The following CNTNAP5 variants were observed in gnomAD, a reference collection of about 807,000 sequenced individuals.
CNTNAP5 encodes the protein contactin associated protein family member 5.
In CNTNAP5, 72 loss-of-function variants were observed where a neutral mutation model predicts 150.2. The observed-to-expected ratio is 0.48, with a 90% CI of 0.40 to 0.58. CNTNAP5 has a LOEUF of 0.58. Ranked by LOEUF, CNTNAP5 falls within the 20% of genes least tolerant of loss-of-function variation. The probability of loss-of-function intolerance (pLI) is 0.00; values close to 1 mark genes in which losing one functional copy is unlikely to be tolerated. For missense variants in CNTNAP5, 1,636 were observed against 1,626.2 expected (o/e 1.01, Z -0.10); for synonymous variants, 672 against 619.8 (o/e 1.08, Z -1.25).
rs190409072 is a variant in CNTNAP5 at position 124,873,206 on chromosome 2, G to A, written c.3436+3444G>A. On this transcript the variant is annotated intron_variant, in intron 21 of 23. Transcript: ENST00000682447. Reference sequence around the variant, plus strand: ...ACATGGTCAGAGCAGGAAGAAGAGCGAGGAGGAAGGTGCCACACAATTTTA... The same window carrying A: ...ACATGGTCAGAGCAGGAAGAAGAGCAAGGAGGAAGGTGCCACACAATTTTA... Among the ~76,000 whole-genome samples, 221 of 152,138 alleles carry A rather than the reference G, an allele frequency of 1.5e-3. 2 individuals carry two copies. Among genetic ancestry groups the A allele is most frequent in the African/African-American group, 5.0e-3 (208 of 41,520 alleles).
chr2:124,609,871 A>G lies in CNTNAP5; in HGVS notation c.1827A>G (p.Ser609=), dbSNP rs754729612. 1.9e-6 allele frequency: 3 copies of G among 1,613,996 alleles called. No homozygotes were observed. Among genetic ancestry groups the G allele is most frequent in the Non-Finnish European group, 1.7e-6 (2 of 1,179,866 alleles). The part of the protein sequence containing the change: ...GNTAGFFYID[S]DGSGPLGPLQ... ...CAGCCGGCTTCTTCTACATCGACTC[A>G]GATGGCAGCGGCCCACTGGGACCTC... Residue 609 remains serine, a synonymous_variant, in exon 12 of 24, where the codon TCA becomes TCG. Coordinates refer to ENST00000682447, the MANE Select transcript of CNTNAP5 (RefSeq NM_001367498.1).
intron 7 of CNTNAP5, among the ~76,000 whole-genome samples, chr2:124,495,758 C>A (rs1296709940): frequency 6.6e-6 from 1 of 152,172 alleles, no homozygotes; most frequent in Non-Finnish European, 1.5e-5. Flanking sequence ...TTATGGACTT[C>A]TTTTCAGTAC....
At chr2:124,074,721 G>T (rs1435122346) in intron 1 of CNTNAP5, among the ~76,000 whole-genome samples, 1 of 152,040 alleles carries the variant, frequency 6.6e-6, no homozygotes, top group Non-Finnish European at 1.5e-5. Flanking sequence ...AATGGGTAAA[G>T]CAGGATCTAT....
intron 3 of CNTNAP5, among the ~76,000 whole-genome samples, chr2:124,371,068 G>A (rs193237939): frequency 9.2e-4 from 140 of 152,186 alleles, no homozygotes; most frequent in African/African-American, 3.2e-3. Context: ...CAGAGATAAG[G>A]ATGCTACTGT....
chr2:124,807,410 A>G (rs1300059472), intron 19 of CNTNAP5, among the ~76,000 whole-genome samples: 1 of 152,188 alleles, frequency 6.6e-6, no homozygotes, highest in Non-Finnish European at 1.5e-5. Context: ...TTGATCTTTC[A>G]GCTAGAAAAT....
At chr2:124,042,373 T>G (rs1246109690) in intron 1 of CNTNAP5, among the ~76,000 whole-genome samples, 3 of 152,192 alleles carry the variant, frequency 2.0e-5, no homozygotes, top group Admixed American at 6.5e-5. Context: ...ATAAAGAATA[T>G]TTTTAAGAAG....
At chr2:124,868,493 AG>A (rs1677677318) in intron 20 of CNTNAP5, among the ~76,000 whole-genome samples, 1 of 152,122 alleles carries the variant, frequency 6.6e-6, no homozygotes, top group Non-Finnish European at 1.5e-5. Context: ...ATGATTCAAA[AG>A]GTCATTCTCA....
chr2:124,641,279 C>A (rs72974560), intron 12 of CNTNAP5, among the ~76,000 whole-genome samples: 1 of 151,928 alleles, frequency 6.6e-6, no homozygotes, highest in Non-Finnish European at 1.5e-5. Flanking sequence ...GAGACTGAGG[C>A]TGGGGGAGGT....
At chr2:124,722,414 T>C (rs1247037284) in intron 13 of CNTNAP5, among the ~76,000 whole-genome samples, 4 of 152,026 alleles carry the variant, frequency 2.6e-5, no homozygotes, top group Non-Finnish European at 5.9e-5. Flanking sequence ...TGGCAGACAA[T>C]CACCAGATAG....
intron 17 of CNTNAP5, among the ~76,000 whole-genome samples, chr2:124,786,723 A>G (rs1027387797): frequency 5.3e-5 from 8 of 152,102 alleles, no homozygotes; most frequent in Non-Finnish European, 1.2e-4. Flanking sequence ...ACAGTGAGAG[A>G]GGAGGATGAG....
At chr2:124,457,602 T>C (rs917451312) in intron 6 of CNTNAP5, among the ~76,000 whole-genome samples, 2 of 152,158 alleles carry the variant, frequency 1.3e-5, no homozygotes, top group Non-Finnish European at 2.9e-5. Flanking sequence ...ATTTGTTACA[T>C]AGGTAAACGT....
chr2:124,077,449 T>A (rs879494919), intron 1 of CNTNAP5, among the ~76,000 whole-genome samples: 1 of 152,166 alleles, frequency 6.6e-6, no homozygotes, highest in Non-Finnish European at 1.5e-5. Context: ...TTGTCACAAA[T>A]TATTGGGAGT....
intron 12 of CNTNAP5, among the ~76,000 whole-genome samples, chr2:124,627,664 C>G (rs1210606296): frequency 4.6e-5 from 7 of 152,166 alleles, no homozygotes; most frequent in Admixed American, 4.6e-4. Context: ...CTCTTCTCCT[C>G]CAAATGATTG....
chr2:124,835,748 A>G (rs1406729192), intron 19 of CNTNAP5, among the ~76,000 whole-genome samples: 1 of 152,170 alleles, frequency 6.6e-6, no homozygotes, highest in Non-Finnish European at 1.5e-5. Context: ...TGTGAAGTAG[A>G]CATTAGTATC....
At chr2:124,288,928 G>A (rs1688219341) in intron 3 of CNTNAP5, among the ~76,000 whole-genome samples, 1 of 152,162 alleles carries the variant, frequency 6.6e-6, no homozygotes, top group Admixed American at 6.6e-5. Flanking sequence ...GAATGTAGTA[G>A]AAGTGAATTC....
intron 1 of CNTNAP5, among the ~76,000 whole-genome samples, chr2:124,186,951 T>C (rs1479863992): frequency 1.3e-5 from 2 of 152,170 alleles, no homozygotes; most frequent in African/African-American, 4.8e-5. Flanking sequence ...GGGTCTGCTT[T>C]GTTCAAAGGC....
At chr2:124,541,603 C>T (rs574136070) in intron 10 of CNTNAP5, among the ~76,000 whole-genome samples, 4 of 152,190 alleles carry the variant, frequency 2.6e-5, no homozygotes, top group Admixed American at 6.5e-5. Flanking sequence ...AGAAGACCCA[C>T]GCACTAGGGG....
intron 3 of CNTNAP5, among the ~76,000 whole-genome samples, chr2:124,407,525 A>G (rs1243730388): frequency 3.3e-5 from 5 of 152,166 alleles, no homozygotes; most frequent in Non-Finnish European, 7.3e-5. Context: ...GGGAGTTGCT[A>G]GAGACTCAAT....
intron 1 of CNTNAP5, among the ~76,000 whole-genome samples, chr2:124,174,739 C>G (rs1427672293): frequency 1.3e-5 from 2 of 152,158 alleles, no homozygotes; most frequent in East Asian, 3.9e-4. Flanking sequence ...AGGATTTACT[C>G]AAATTTTGAA....
Sources: gnomAD v4.1 joint callset for allele counts (sites outside exome capture counted in the v4.1 genomes callset) on GRCh38, gnomAD v4.1.1 for gene constraint, MANE v1.5 for transcripts, NCBI Gene and HGNC (gene_info 2026-07-23, HGNC 2026-07-21) for gene names.